The following RABGAP1 variants were observed in gnomAD, a reference collection of about 807,000 sequenced individuals.
RABGAP1 encodes rab GTPase-activating protein 1.
Under a neutral mutation model 137.6 loss-of-function variants are expected in RABGAP1, and 23 were observed. The ratio of observed to expected loss-of-function variants is 0.17; its 90% CI spans 0.12 to 0.24. The LOEUF (loss-of-function observed/expected upper bound fraction) is 0.24. RABGAP1 is among the 10% of genes least tolerant of loss of function. RABGAP1 has a pLI of 1.00. For synonymous variants in RABGAP1, 451 were observed against 450.7 expected, an observed-to-expected ratio of 1.00 and a Z score of -0.01; for missense variants, 906 against 1,275.8, an observed-to-expected ratio of 0.71 and a Z score of 4.42.
At chr9:123,082,027 G>A (rs2034724503) in intron 19 of RABGAP1, among the ~76,000 whole-genome samples, 2 of 150,780 alleles carry the variant, frequency 1.3e-5, no homozygotes, top group Non-Finnish European at 2.9e-5. Context: ...CAAGATGGGT[G>A]TGTTGCTCAA....
At chr9:123,020,076 T>G (rs1483328172) in intron 12 of RABGAP1, among the ~76,000 whole-genome samples, 5 of 151,956 alleles carry the variant, frequency 3.3e-5, no homozygotes, top group Non-Finnish European at 7.4e-5. Context: ...AGAAATAATT[T>G]AAAAATACTT....
At chr9:123,072,241 T>G (rs571201082) in intron 15 of RABGAP1, among the ~76,000 whole-genome samples, 3 of 152,218 alleles carry the variant, frequency 2.0e-5, no homozygotes, top group Non-Finnish European at 4.4e-5. Context: ...TTTTCAGATA[T>G]GGGTTGCTCA....
chr9:123,071,180 A>G (rs1191613298), intron 15 of RABGAP1, among the ~76,000 whole-genome samples: 1 of 152,214 alleles, frequency 6.6e-6, no homozygotes, highest in Non-Finnish European at 1.5e-5. Context: ...CTGATACACA[A>G]TACACATTCA....
rs1257251731 is a variant in RABGAP1 at position 123,070,542 on chromosome 9, A to G, written c.1983+118A>G. 7.3e-6 allele frequency: 11 copies of G among 1,497,970 alleles called. No homozygotes were observed. The highest frequency in any genetic ancestry group is 1.8e-4 in the Middle Eastern group (1 of 5,562). The allele number at this position is 1,497,970 out of a possible 1,614,324, so 92.8% of individuals were successfully genotyped here. A position where few individuals can be genotyped will look rare whatever the true frequency, so the allele number is the denominator to read the frequency against. On this transcript the variant is annotated intron_variant, in intron 15 of 25. Transcript: ENST00000373647. The surrounding 1 kb of genome is among the most constrained non-coding windows in gnomAD (Gnocchi z 4.4). ...ACAGACTCTTAAGGCATGAATTTTA[A>G]CACCTATAGCTGGAAACTTTTTCCT...
At chr9:122,997,430 C>G (rs1311022155) in intron 9 of RABGAP1, 69 bp downstream of exon 9, 1 of 1,081,364 alleles carries the variant, frequency 9.2e-7, no homozygotes, top group Non-Finnish European at 1.3e-6. Flanking sequence ...CTAAGGACCC[C>G]TTCTTTGACC....
chr9:123,050,937 G>T (rs1310789243), intron 13 of RABGAP1, among the ~76,000 whole-genome samples: 7 of 151,986 alleles, frequency 4.6e-5, no homozygotes, highest in Admixed American at 4.6e-4. Context: ...TCAATAGCAG[G>T]GTTTTTTTTG....
At position 123,070,033 on chromosome 9, in the gene RABGAP1, G is replaced by C. The variant is rs551744106; in HGVS notation, c.1909-317G>C. On this transcript the variant is annotated intron_variant, in intron 14 of 25. Coordinates refer to ENST00000373647, the MANE Select transcript of RABGAP1 (RefSeq NM_012197.4). The surrounding 1 kb of genome is among the most constrained non-coding windows in gnomAD (Gnocchi z 4.4). ...AGGAAGAGTGCATGTTTGAGGCAGA[G>C]AGGGAAAGGACATCCCAAGGAGAGG... is the stretch of plus-strand genomic sequence containing the variant. 1.3e-5 allele frequency among the ~76,000 whole-genome samples: 2 copies of C among 152,296 alleles called. No homozygotes were observed. Among genetic ancestry groups the C allele is most frequent in the South Asian group, 4.1e-4 (2 of 4,830 alleles).
chr9:122,952,266 T>A (rs540767070), intron 1 of RABGAP1, among the ~76,000 whole-genome samples: 1 of 152,014 alleles, frequency 6.6e-6, no homozygotes, highest in Admixed American at 6.5e-5. Context: ...TTTTTTTTAT[T>A]TTTATTTTTT....
chr9:123,008,308 C>A (rs1347907756), intron 10 of RABGAP1, among the ~76,000 whole-genome samples: 1 of 151,888 alleles, frequency 6.6e-6, no homozygotes, highest in East Asian at 1.9e-4. Flanking sequence ...GTCTGTAATC[C>A]CAACACTTTG....
At chr9:122,964,866 A>G (rs577125815) in intron 2 of RABGAP1, among the ~76,000 whole-genome samples, 2 of 152,258 alleles carry the variant, frequency 1.3e-5, no homozygotes, top group South Asian at 4.1e-4. Context: ...ATGTGGTGGC[A>G]TGCTCTTGTA....
chr9:123,039,868 T>C (rs1466313958), intron 13 of RABGAP1, among the ~76,000 whole-genome samples: 1 of 151,420 alleles, frequency 6.6e-6, no homozygotes, highest in South Asian at 2.1e-4. Flanking sequence ...CTTTCAGCCT[T>C]TCCCAGTTTT....
rs143072726 is a variant in RABGAP1 at position 123,044,743 on chromosome 9, T to C, written c.1795-20605T>C. On this transcript the variant is annotated intron_variant, in intron 13 of 25. Coordinates refer to ENST00000373647, the MANE Select transcript of RABGAP1 (RefSeq NM_012197.4). ...ATGATGAGAGGAATGCAAAATGCCA[T>C]GTAGTGTTCAAAGGCAAGGAGGTGC... is the stretch of plus-strand genomic sequence containing the variant. 2.2e-3 allele frequency among the ~76,000 whole-genome samples: 342 copies of C among 152,132 alleles called. 1 individual carries two copies. Among genetic ancestry groups the C allele is most frequent in the African/African-American group, 7.8e-3 (322 of 41,470 alleles).
chr9:123,091,561 G>A (rs1036054648), intron 21 of RABGAP1, among the ~76,000 whole-genome samples: 3 of 151,958 alleles, frequency 2.0e-5, no homozygotes, highest in African/African-American at 4.8e-5. Flanking sequence ...GTAAAATGAG[G>A]GGTGGTAAAA....
chr9:122,954,382 C>T (rs930036618), intron 1 of RABGAP1, among the ~76,000 whole-genome samples: 16 of 152,158 alleles, frequency 1.1e-4, no homozygotes, highest in Non-Finnish European at 8.8e-5. Flanking sequence ...AAACCTCATT[C>T]CTGCTGAGTG....
chr9:123,104,274 C>T lies in RABGAP1; in HGVS notation c.*1061C>T, dbSNP rs895591258. The T allele has an allele frequency of 6.6e-6, 1 of 152,452 alleles. No individual in the cohort carries two copies. Among genetic ancestry groups the T allele is most frequent in the Non-Finnish European group, 1.5e-5 (1 of 68,056 alleles). The allele number at this position is 152,452 out of a possible 1,614,324, so 9.4% of individuals were successfully genotyped here. A position where few individuals can be genotyped will look rare whatever the true frequency, so the allele number is the denominator to read the frequency against. On this transcript the variant is annotated 3_prime_UTR_variant, in exon 26 of 26. Coordinates refer to ENST00000373647, the MANE Select transcript of RABGAP1 (RefSeq NM_012197.4). Reference sequence around the variant, plus strand: ...ATGTCTGCGCAGGGTGCACATGCTGCGAGGTCTCCATCCTCCGGGCCTGTC... The same window carrying T: ...ATGTCTGCGCAGGGTGCACATGCTGTGAGGTCTCCATCCTCCGGGCCTGTC...
rs371022262 is a variant in RABGAP1, at chr9:123,015,580, A to G, written c.1587A>G (p.Val529=). ...CTCTCCTGAGTGGATCTGGTGATGT[A>G]TCCAAAGAATGTGCAGAAAAAATTC... The part of the protein sequence containing the change: ...DEPLLSGSGD[V]SKECAEKILE... Residue 529 remains valine (V), a synonymous_variant, in exon 12 of 26, where the codon GTA becomes GTG. Transcript: ENST00000373647. 2.2e-5 allele frequency: 35 copies of G among 1,612,668 alleles called. No individual in the cohort carries two copies. Among genetic ancestry groups the G allele is most frequent in the Non-Finnish European group, 2.9e-5 (34 of 1,179,086 alleles).
chr9:122,983,147 C>T (rs112487214), intron 2 of RABGAP1, among the ~76,000 whole-genome samples: 126 of 149,240 alleles, frequency 8.4e-4, no homozygotes, highest in African/African-American at 2.9e-3. Context: ...GGATTATAGG[C>T]GTGAGCCACT....
At chr9:123,022,010 A>C (rs184559574) in intron 13 of RABGAP1, among the ~76,000 whole-genome samples, 19 of 152,382 alleles carry the variant, frequency 1.2e-4, no homozygotes, top group Middle Eastern at 3.4e-3. Flanking sequence ...TACTCATAGT[A>C]TGAACAGAGC....
the RABGAP1 span, among the ~76,000 whole-genome samples, chr9:122,933,494 C>T: frequency 6.6e-6 from 1 of 150,386 alleles, no homozygotes; most frequent in Non-Finnish European, 1.5e-5. Flanking sequence ...CACTGTGTCA[C>T]CCAGGCTGGA....
Sources: gnomAD v4.1 joint callset for allele counts (sites outside exome capture counted in the v4.1 genomes callset) on GRCh38, gnomAD v4.1.1 for gene constraint, Gnocchi (gnomAD v3.1) non-coding constraint, MANE v1.5 for transcripts, NCBI Gene and HGNC (gene_info 2026-07-23, HGNC 2026-07-21) for gene names.